Variants in NALF1 observed in about 807,000 individuals in gnomAD.
NALF1 encodes the protein NALCN channel auxiliary factor 1.
NALF1 carries 3 observed loss-of-function variants against 48.4 expected under a neutral mutation model. The ratio of observed to expected loss-of-function variants is 0.06; its 90% CI spans 0.03 to 0.16. The LOEUF (loss-of-function observed/expected upper bound fraction) is 0.16, where lower values mean the gene tolerates loss of function less well. NALF1 is among the 10% of genes least tolerant of loss of function. NALF1 has a pLI of 1.00. For synonymous variants in NALF1, 262 were observed against 245.7 expected, an observed-to-expected ratio of 1.07 and a Z score of -0.62; for missense variants, 526 against 571.5, an observed-to-expected ratio of 0.92 and a Z score of 0.81.
chr13:107,399,455 T>C (rs1883766972), intron 1 of NALF1, among the ~76,000 whole-genome samples: 1 of 150,950 alleles, frequency 6.6e-6, no homozygotes, highest in African/African-American at 2.4e-5. Flanking sequence ...CACATTCACG[T>C]ACACACACAC....
intron 1 of NALF1, among the ~76,000 whole-genome samples, chr13:107,683,827 G>A (rs1397319681): frequency 7.8e-6 from 1 of 128,922 alleles, no homozygotes; most frequent in Non-Finnish European, 1.7e-5. Context: ...CTCTGTCGCT[G>A]GACTCCCAGT....
chr13:107,800,581 T>C (rs1329939277), intron 1 of NALF1, among the ~76,000 whole-genome samples: 1 of 147,282 alleles, frequency 6.8e-6, no homozygotes, highest in African/African-American at 2.5e-5. Flanking sequence ...TTTAATATAA[T>C]ATACAATATA....
intron 1 of NALF1, among the ~76,000 whole-genome samples, chr13:107,284,700 C>T (rs1331205079): frequency 6.6e-6 from 1 of 152,096 alleles, no homozygotes; most frequent in African/African-American, 2.4e-5. Context: ...GGATTAGTGT[C>T]ATAAAGAAGC....
intron 1 of NALF1, among the ~76,000 whole-genome samples, chr13:107,638,718 T>C (rs918290089): frequency 2.0e-5 from 3 of 152,168 alleles, no homozygotes; most frequent in Non-Finnish European, 4.4e-5. Context: ...AGCTGGTACC[T>C]GAATCATTCA....
intron 1 of NALF1, among the ~76,000 whole-genome samples, chr13:107,742,117 T>A (rs1413617276): frequency 6.6e-6 from 1 of 152,218 alleles, no homozygotes; most frequent in Non-Finnish European, 1.5e-5. Context: ...CAGTCTCCCC[T>A]CATTCAGCGG....
intron 1 of NALF1, among the ~76,000 whole-genome samples, chr13:107,567,540 G>C (rs1032928972): frequency 6.6e-6 from 1 of 152,122 alleles, no homozygotes; most frequent in African/African-American, 2.4e-5. Context: ...GAGAAATCTT[G>C]TACATATTTT....
chr13:107,815,610 T>C (rs1047490031), intron 1 of NALF1, among the ~76,000 whole-genome samples: 2 of 152,120 alleles, frequency 1.3e-5, no homozygotes, highest in Admixed American at 6.5e-5. Flanking sequence ...AGAGTTTCCA[T>C]TTGACTCAGC....
Position 107,203,589 on chromosome 13 carries a change from A to G in NALF1, c.1087+6995T>C, listed in dbSNP as rs912752411. 8.3e-5 allele frequency among the ~76,000 whole-genome samples: 12 copies of G among 144,304 alleles called. 1 individual carries two copies. The highest frequency in any genetic ancestry group is 3.1e-4 in the African/African-American group (12 of 38,468). 94.7% of individuals were successfully genotyped at this position (144,304 alleles called of 152,430 possible). A position where few individuals can be genotyped will look rare whatever the true frequency, so the allele number is the denominator to read the frequency against. On this transcript the variant is annotated intron_variant, in intron 2 of 2. Transcript: ENST00000375915. ...CTCAATGGCATCAAAAAGGACAGCC[A>G]TCAGGTGCTGTGCTCCATCCCCGTG...
intron 2 of NALF1, among the ~76,000 whole-genome samples, chr13:107,201,438 G>T (rs137922229): frequency 1.3e-5 from 2 of 152,150 alleles, no homozygotes; most frequent in Non-Finnish European, 2.9e-5. Context: ...CCAGCCGGAC[G>T]TGGTGGCGGG....
At chr13:107,199,244 T>G (rs993235918) in intron 2 of NALF1, among the ~76,000 whole-genome samples, 1 of 152,132 alleles carries the variant, frequency 6.6e-6, no homozygotes, top group Non-Finnish European at 1.5e-5. Context: ...GGCAAGACCA[T>G]GTGAAGACAC....
intron 1 of NALF1, among the ~76,000 whole-genome samples, chr13:107,211,231 G>A (rs1159096467): frequency 6.6e-6 from 1 of 152,210 alleles, no homozygotes; most frequent in Admixed American, 6.5e-5. Context: ...AGCAGGGGTT[G>A]GGAAACTGCT....
chr13:107,222,699 A>G (rs1880019367), intron 1 of NALF1, among the ~76,000 whole-genome samples: 1 of 152,242 alleles, frequency 6.6e-6, no homozygotes, highest in Non-Finnish European at 1.5e-5. Flanking sequence ...TTATGTAAGC[A>G]AATTTTAATG....
intron 1 of NALF1, among the ~76,000 whole-genome samples, chr13:107,603,931 C>T (rs966627904): frequency 1.3e-5 from 2 of 152,154 alleles, no homozygotes; most frequent in Non-Finnish European, 2.9e-5. Flanking sequence ...AGAGGTGACA[C>T]ATACCAGTCA....
chr13:107,602,931 T>C (rs1463148268), intron 1 of NALF1, among the ~76,000 whole-genome samples: 2 of 152,214 alleles, frequency 1.3e-5, no homozygotes, highest in Non-Finnish European at 2.9e-5. Flanking sequence ...CTTTCTCTTC[T>C]GCATGAAGAA....
intron 2 of NALF1, among the ~76,000 whole-genome samples, chr13:107,206,812 G>A (rs4772859): frequency 0.8 from 121,430 of 152,138 alleles, 48,660 homozygotes; most frequent in East Asian, 0.89. Context: ...ATCAGGCCAT[G>A]TGCAGTTACG....
chr13:107,321,549 C>T (rs1408696567), intron 1 of NALF1, among the ~76,000 whole-genome samples: 3 of 152,056 alleles, frequency 2.0e-5, no homozygotes, highest in African/African-American at 7.2e-5. Flanking sequence ...AAGATATTTG[C>T]CATTTTTTTC....
At chr13:107,554,653 T>C (rs1367265841) in intron 1 of NALF1, among the ~76,000 whole-genome samples, 1 of 152,204 alleles carries the variant, frequency 6.6e-6, no homozygotes, top group East Asian at 1.9e-4. Context: ...GGATGTATTA[T>C]TTACACAGGT....
At chr13:107,243,814 A>G (rs1880525155) in intron 1 of NALF1, among the ~76,000 whole-genome samples, 1 of 152,154 alleles carries the variant, frequency 6.6e-6, no homozygotes, top group African/African-American at 2.4e-5. Flanking sequence ...TGCTGTGGCT[A>G]CAGGAGGCGG....
chr13:107,645,055 T>C (rs1439261178), intron 1 of NALF1, among the ~76,000 whole-genome samples: 1 of 152,152 alleles, frequency 6.6e-6, no homozygotes, highest in East Asian at 1.9e-4. Flanking sequence ...CTGATGAGCA[T>C]TTAGAGTTTC....
Sources: gnomAD v4.1 joint callset for allele counts (sites outside exome capture counted in the v4.1 genomes callset) on GRCh38, gnomAD v4.1.1 for gene constraint, MANE v1.5 for transcripts, NCBI Gene and HGNC (gene_info 2026-07-23, HGNC 2026-07-21) for gene names.